The following SFXN4 variants were observed in gnomAD, a reference collection of about 807,000 sequenced individuals.
SFXN4 encodes sideroflexin-4.
SFXN4 carries 48 observed loss-of-function variants against 54.6 expected under a neutral mutation model. The ratio of observed to expected loss-of-function variants is 0.88; its 90% confidence interval spans 0.70 to 1.12. SFXN4 has a LOEUF of 1.12. Ranked by LOEUF, SFXN4 falls within the 50% of genes most tolerant of loss-of-function variation. The pLI is 0.00. For synonymous variants in SFXN4, 130 were observed against 145.5 expected (o/e 0.89, Z 0.77); for missense variants, 383 against 409.2 (o/e 0.94, Z 0.55).
At chr10:119,162,240 G>A in intron 3 of SFXN4, 100 bp downstream of exon 3, 1 of 881,180 alleles carries the variant, frequency 1.1e-6, no homozygotes, top group South Asian at 1.5e-5. Flanking sequence ...AAAGAAAAGA[G>A]ACGGAGACAG....
intron 11 of SFXN4, among the ~76,000 whole-genome samples, chr10:119,152,748 T>C (rs1038768210): frequency 6.6e-6 from 1 of 152,112 alleles, no homozygotes; most frequent in Non-Finnish European, 1.5e-5. Context: ...TAAAGTAATA[T>C]GTTTGGTGAG....
chr10:119,164,101 A>T, intron 2 of SFXN4, 30 bp downstream of exon 2: 1 of 1,326,692 alleles, frequency 7.5e-7, no homozygotes, highest in Non-Finnish European at 1.1e-6. Context: ...ATAAAATGTG[A>T]AATTCATTAG....
Position 119,141,261 on chromosome 10 carries a change from A to C in SFXN4, c.995T>G (p.Phe332Cys). ...TCACGCCTACACCCCTCTGTGATAA[A>C]AGATTTCTGTTTCTTCTGTTGGAGA... ...IQSPTEETEI[F>C]YHRGV The change falls in exon 14 of 14, where the codon TTT becomes TGT. Residue 332 changes from phenylalanine (F) to cysteine (C), a missense_variant. By Grantham distance (205) the Phe-to-Cys change is radical. Coordinates refer to ENST00000355697, the MANE Select transcript of SFXN4 (RefSeq NM_213649.2). 1 of 1,612,296 alleles carries C rather than the reference A, an allele frequency of 6.2e-7. No homozygotes were observed. The highest frequency in any genetic ancestry group is 1.1e-5 in the South Asian group (1 of 91,004).
chr10:119,164,666 A>G (rs1847696124), intron 1 of SFXN4, among the ~76,000 whole-genome samples: 1 of 152,146 alleles, frequency 6.6e-6, no homozygotes, highest in Non-Finnish European at 1.5e-5. Flanking sequence ...ACACTGGGGA[A>G]AAAGAGGTTT....
At position 119,159,251 on chromosome 10, in the gene SFXN4, G is replaced by A. The variant is rs566444537; in HGVS notation, c.360+477C>T. ...GCTGAGATTGCGCCAGTGCACTCCA[G>A]CCTGGGCAACAGAGCCAGACTCTGT... On this transcript the variant is annotated intron_variant, in intron 6 of 13. Coordinates refer to ENST00000355697, the MANE Select transcript of SFXN4 (RefSeq NM_213649.2). Among the ~76,000 whole-genome samples, 8 of 152,220 alleles carry A rather than the reference G, an allele frequency of 5.3e-5. No homozygotes were observed. The South Asian group carries it at 1.7e-3, about 32-fold the overall frequency.
chr10:119,161,390 G>A (rs1386029784), intron 3 of SFXN4, among the ~76,000 whole-genome samples: 1 of 138,934 alleles, frequency 7.2e-6, no homozygotes, highest in Non-Finnish European at 1.5e-5. Context: ...ACAGGGTTAA[G>A]CCATCACACC....
chr10:119,151,215 A>G (rs1847053876), intron 11 of SFXN4, among the ~76,000 whole-genome samples: 1 of 152,078 alleles, frequency 6.6e-6, no homozygotes, highest in African/African-American at 2.4e-5. Flanking sequence ...TAAAAATACA[A>G]AAAATTAGTT....
intron 10 of SFXN4, among the ~76,000 whole-genome samples, 190 bp downstream of exon 10, chr10:119,156,488 G>A (rs1847284270): frequency 6.6e-6 from 1 of 152,158 alleles, no homozygotes; most frequent in Admixed American, 6.5e-5. Flanking sequence ...CATTAATGTG[G>A]GTATCTACAG....
chr10:119,162,433 TA>T lies in SFXN4; in HGVS notation c.178-20del. ...TACTTTCCTAAAATCAGATATCAAG[TA>T]ATCAAGTAATGATCTCAACATTGTT... On this transcript the variant is annotated intron_variant, in intron 2 of 13. Coordinates refer to ENST00000355697, the MANE Select transcript of SFXN4 (RefSeq NM_213649.2). The T allele has an allele frequency of 6.3e-7, 1 of 1,583,884 alleles. No individual in the cohort carries two copies. Among genetic ancestry groups the T allele is most frequent in the Non-Finnish European group, 8.7e-7 (1 of 1,152,456 alleles).
chr10:119,148,128 C>T (rs1032953307), intron 11 of SFXN4, among the ~76,000 whole-genome samples: 4 of 152,072 alleles, frequency 2.6e-5, no homozygotes, highest in Non-Finnish European at 5.9e-5. Flanking sequence ...GCCAAGATCA[C>T]GCCACTGCAC....
intron 12 of SFXN4, among the ~76,000 whole-genome samples, 198 bp from the exon 13 acceptor site, chr10:119,146,551 T>C (rs1846819174): frequency 6.6e-6 from 1 of 152,028 alleles, no homozygotes; most frequent in African/African-American, 2.4e-5. Flanking sequence ...CCTGTTTTTT[T>C]GTTGTTTTTG....
rs748109187 is a variant in SFXN4 at position 119,155,063 on chromosome 10, T to C, written c.731A>G (p.Lys244Arg). ...CTATAGCTTCATCCTGTCTCTTACC[T>C]TTGTCCCAGCAATTCTGGAATGACC... ...VLGHSRIAGTKAVRETLASRI... is the reference protein window; with the variant it reads ...VLGHSRIAGTRAVRETLASRI... The change falls in exon 11 of 14, where the codon AAG (lysine) becomes AGG (arginine). Residue 244 changes from lysine to arginine, a missense_variant and splice_region_variant. Transcript: ENST00000355697. The C allele has an allele frequency of 3.7e-6, 6 of 1,610,410 alleles. 1 individual carries two copies. Among genetic ancestry groups the C allele is most frequent in the Admixed American group, 3.3e-5 (2 of 59,990 alleles).
intron 13 of SFXN4, among the ~76,000 whole-genome samples, chr10:119,143,023 C>T (rs952330685): frequency 2.1e-4 from 32 of 152,032 alleles, no homozygotes; most frequent in Non-Finnish European, 4.3e-4. Flanking sequence ...TGAGCCACCA[C>T]GCCCGGCCCC....
intron 11 of SFXN4, among the ~76,000 whole-genome samples, chr10:119,151,369 A>AAAAC (rs1206608360): frequency 7.1e-6 from 1 of 140,310 alleles, no homozygotes; most frequent in Non-Finnish European, 1.5e-5. Context: ...ACTCTGACTC[A>AAAAC]AAACAAACAA....
rs773383331 is a variant in SFXN4 at position 119,162,434 on chromosome 10, A to G, written c.178-20T>C. 2 of 1,586,680 alleles carry G rather than the reference A, an allele frequency of 1.3e-6. No individual in the cohort carries two copies. Among genetic ancestry groups the G allele is most frequent in the Non-Finnish European group, 1.7e-6 (2 of 1,154,974 alleles). On this transcript the variant is annotated intron_variant, in intron 2 of 13. Coordinates refer to ENST00000355697, the MANE Select transcript of SFXN4 (RefSeq NM_213649.2). Reference sequence around the variant, plus strand: ...ACTTTCCTAAAATCAGATATCAAGTAATCAAGTAATGATCTCAACATTGTT... The same window carrying G: ...ACTTTCCTAAAATCAGATATCAAGTGATCAAGTAATGATCTCAACATTGTT...
intron 11 of SFXN4, among the ~76,000 whole-genome samples, chr10:119,153,950 G>A (rs1847175317): frequency 6.6e-6 from 1 of 152,106 alleles, no homozygotes; most frequent in South Asian, 2.1e-4. Context: ...GGCCGAGGCG[G>A]GCGGAACACC....
chr10:119,144,897 T>C lies in SFXN4; in HGVS notation c.936+1339A>G, dbSNP rs560147510. ...ATAATTGGACAGCACCAATCTATTA[T>C]AGAACATTTCCATCACTGCAGAAAG... On this transcript the variant is annotated intron_variant, in intron 13 of 13. Transcript: ENST00000355697. Among the ~76,000 whole-genome samples the C allele has an allele frequency of 3.0e-4, 45 of 152,342 alleles. No homozygotes were observed. In the South Asian group the frequency reaches 8.9e-3, roughly 30 times the overall value.
intron 6 of SFXN4, among the ~76,000 whole-genome samples, chr10:119,159,138 G>A (rs1296980127): frequency 6.6e-6 from 1 of 152,000 alleles, no homozygotes; most frequent in African/African-American, 2.4e-5. Context: ...ACATTAGCTG[G>A]GTATGGTGGT....
chr10:119,156,296 C>T (rs773919099), intron 10 of SFXN4, among the ~76,000 whole-genome samples: 21 of 152,114 alleles, frequency 1.4e-4, no homozygotes, highest in Non-Finnish European at 2.1e-4. Flanking sequence ...GACATGGTGG[C>T]GCACACCTGT....
Sources: allele counts gnomAD v4.1 joint callset (sites outside exome capture counted in the v4.1 genomes callset), GRCh38; gene constraint gnomAD v4.1.1; transcripts MANE v1.5; gene names NCBI Gene and HGNC (gene_info 2026-07-23, HGNC 2026-07-21).